CEP63: variants seen among roughly 807,000 people sequenced by gnomAD.
CEP63 encodes centrosomal protein 63, also known as centrosomal protein of 63 kDa.
A neutral mutation model predicts 89.1 loss-of-function variants in CEP63; 84 were observed. The ratio of observed to expected loss-of-function variants is 0.94; its 90% CI spans 0.79 to 1.13. The LOEUF (loss-of-function observed/expected upper bound fraction) is 1.13. Among genes scored for constraint, CEP63 ranks in the 50% most tolerant of loss-of-function variants. The probability of loss-of-function intolerance (pLI) is 0.00; values close to 1 mark genes in which losing one functional copy is unlikely to be tolerated. For synonymous variants in CEP63, 267 were observed against 272.5 expected, an observed-to-expected ratio of 0.98 and a Z score of 0.20; for missense variants, 838 against 813.3, an observed-to-expected ratio of 1.03 and a Z score of -0.37.
chr3:134,611,328 C>T, the CEP63 span, among the ~76,000 whole-genome samples: 1 of 152,168 alleles, frequency 6.6e-6, no homozygotes, highest in Non-Finnish European at 1.5e-5. Flanking sequence ...ACCCTGAGGC[C>T]CAGGCCTGGG....
At chr3:134,664,682 GTGTGTGTGTT>G in the CEP63 span, among the ~76,000 whole-genome samples, 1 of 151,842 alleles carries the variant, frequency 6.6e-6, no homozygotes, top group African/African-American at 2.4e-5. Context: ...GTGTGTGTGT[GTGTGTGTGTT>G]TGTGTGTGTA....
intron 3 of CEP63, among the ~76,000 whole-genome samples, chr3:134,520,430 G>T (rs1376553153): frequency 6.6e-6 from 1 of 152,088 alleles, no homozygotes; most frequent in Non-Finnish European, 1.5e-5. Context: ...ATAAATGGAA[G>T]AATAGATGTT....
chr3:134,704,860 G>C, the CEP63 span, among the ~76,000 whole-genome samples: 4 of 152,316 alleles, frequency 2.6e-5, no homozygotes, highest in Admixed American at 2.6e-4. Context: ...GTGGGGCGTG[G>C]CAGGGGTTTC....
chr3:134,683,552 G>C, the CEP63 span, among the ~76,000 whole-genome samples: 1 of 152,126 alleles, frequency 6.6e-6, no homozygotes, highest in Admixed American at 6.5e-5. Context: ...AACTCCATCA[G>C]TTACTAGTGA....
chr3:134,657,691 T>G, the CEP63 span, among the ~76,000 whole-genome samples: 1 of 152,170 alleles, frequency 6.6e-6, no homozygotes, highest in African/African-American at 2.4e-5. Context: ...GGAAGTGGAA[T>G]TACTGAGTCA....
the CEP63 span, among the ~76,000 whole-genome samples, chr3:134,753,391 A>C: frequency 0.01 from 1,527 of 152,298 alleles, 18 homozygotes; most frequent in African/African-American, 0.033. Context: ...AGCAAGCACT[A>C]TATGGGCCGA....
At chr3:134,732,963 C>G in the CEP63 span, among the ~76,000 whole-genome samples, 1 of 152,160 alleles carries the variant, frequency 6.6e-6, no homozygotes, top group Non-Finnish European at 1.5e-5. Flanking sequence ...CAAGTATTGT[C>G]ATTTCTACAC....
the CEP63 span, among the ~76,000 whole-genome samples, chr3:134,611,712 G>A: frequency 3.3e-5 from 5 of 152,218 alleles, no homozygotes; most frequent in African/African-American, 1.2e-4. Context: ...TGAGTCTGCA[G>A]TCCAGGGTGT....
At chr3:134,556,238 C>G (rs993271490) in intron 12 of CEP63, among the ~76,000 whole-genome samples, 15 of 151,650 alleles carry the variant, frequency 9.9e-5, no homozygotes, top group African/African-American at 3.4e-4. Context: ...TCTAAAACAC[C>G]AAAAGCAATG....
the CEP63 span, among the ~76,000 whole-genome samples, chr3:134,650,591 G>T: frequency 6.6e-6 from 1 of 152,202 alleles, no homozygotes; most frequent in Admixed American, 6.5e-5. Context: ...AGCACCCACA[G>T]GCCTGCACAG....
At chr3:134,681,866 C>T in the CEP63 span, among the ~76,000 whole-genome samples, 1 of 152,336 alleles carries the variant, frequency 6.6e-6, no homozygotes, top group East Asian at 1.9e-4. Flanking sequence ...TTTGAAGAAA[C>T]TGAGGCTCAG....
chr3:134,735,257 A>G, the CEP63 span, among the ~76,000 whole-genome samples: 1 of 152,250 alleles, frequency 6.6e-6, no homozygotes, highest in East Asian at 1.9e-4. Flanking sequence ...GCAGCCTCAC[A>G]CACAGATCAA....
the CEP63 span, among the ~76,000 whole-genome samples, chr3:134,658,649 T>C: frequency 6.6e-6 from 1 of 152,160 alleles, no homozygotes; most frequent in Non-Finnish European, 1.5e-5. Flanking sequence ...TTTCCAGAGA[T>C]GTGTAGCATT....
chr3:134,594,358 G>A, the CEP63 span, among the ~76,000 whole-genome samples: 2 of 152,114 alleles, frequency 1.3e-5, no homozygotes, highest in Admixed American at 1.3e-4. Flanking sequence ...CCATAAAGGG[G>A]GACGTCACTG....
chr3:134,592,540 C>T (rs1326623871), downstream of CEP63, among the ~76,000 whole-genome samples: 1 of 128,140 alleles, frequency 7.8e-6, no homozygotes, highest in Non-Finnish European at 1.6e-5. Context: ...TGACTGGCTT[C>T]CCAAAGATGG....
the CEP63 span, among the ~76,000 whole-genome samples, chr3:134,693,249 T>G: frequency 3.3e-5 from 5 of 152,308 alleles, no homozygotes; most frequent in South Asian, 1.0e-3. Flanking sequence ...CAGTTTGCCC[T>G]TTTCGCTTTT....
intron 6 of CEP63, among the ~76,000 whole-genome samples, chr3:134,537,962 A>C (rs546801402): frequency 2.6e-5 from 4 of 152,192 alleles, no homozygotes; most frequent in African/African-American, 9.6e-5. Flanking sequence ...ACAGACACCT[A>C]CTTTAGGAAT....
At chr3:134,702,078 G>A in the CEP63 span, among the ~76,000 whole-genome samples, 3 of 152,086 alleles carry the variant, frequency 2.0e-5, no homozygotes, top group Non-Finnish European at 4.4e-5. Flanking sequence ...CAACAGGCAA[G>A]CCAAAAGCCA....
chr3:134,635,717 C>T, the CEP63 span, among the ~76,000 whole-genome samples: 10 of 151,848 alleles, frequency 6.6e-5, no homozygotes, highest in Admixed American at 2.0e-4. Context: ...TACAAACATT[C>T]GATTTTACTG....
Sources: gnomAD v4.1 joint callset for allele counts (sites outside exome capture counted in the v4.1 genomes callset) on GRCh38, gnomAD v4.1.1 for gene constraint, MANE v1.5 for transcripts, NCBI Gene and HGNC (gene_info 2026-07-23, HGNC 2026-07-21) for gene names.